Variants in ZNF536 observed in about 807,000 individuals in gnomAD.
The protein encoded by ZNF536 is zinc finger protein 536.
In ZNF536, 13 loss-of-function variants were observed where a neutral mutation model predicts 84.5. The observed-to-expected ratio is 0.15, with a 90% CI of 0.10 to 0.24. The LOEUF is 0.24. Among genes scored for constraint, ZNF536 ranks in the 10% least tolerant of loss-of-function variants. The probability of loss-of-function intolerance (pLI) is 1.00; values close to 1 mark genes in which losing one functional copy is unlikely to be tolerated. For synonymous variants in ZNF536, 811 were observed against 742.5 expected (o/e 1.09, Z -1.50); for missense variants, 1,536 against 1,747.5 (o/e 0.88, Z 2.16).
At chr19:30,620,478 C>T (rs2048444572) in intron 1 of ZNF536, among the ~76,000 whole-genome samples, 2 of 152,158 alleles carry the variant, frequency 1.3e-5, no homozygotes, top group African/African-American at 4.8e-5. Flanking sequence ...GACATTCACC[C>T]AGATGGGGAA....
chr19:30,348,612 G>A (rs1348672485), intron 2 of ZNF536, among the ~76,000 whole-genome samples: 1 of 152,114 alleles, frequency 6.6e-6, no homozygotes, highest in Non-Finnish European at 1.5e-5. Flanking sequence ...ATGGATGGTT[G>A]AGTCCAAGAT....
In ZNF536 at chr19:30,531,685, C is replaced by T. The variant is rs371441031; in HGVS notation, c.2171-3162C>T. The stretch of plus-strand genomic sequence containing the variant: ...TGTTACCCAGGCTGGAGTGCAGTGG[C>T]GTGATCCCGGCTCATTGCAGCCTCG... On this transcript the variant is annotated intron_variant, in intron 2 of 4. Transcript: ENST00000355537. 5.6e-4 allele frequency among the ~76,000 whole-genome samples: 85 copies of T among 152,010 alleles called. 1 individual carries two copies. Among genetic ancestry groups the T allele is most frequent in the East Asian group, 5.2e-3 (27 of 5,156 alleles).
chr19:30,618,932 G>A (rs917328769), intron 1 of ZNF536, among the ~76,000 whole-genome samples: 9 of 152,006 alleles, frequency 5.9e-5, no homozygotes, highest in Admixed American at 3.3e-4. Flanking sequence ...TTTGGTACAA[G>A]TTTAAAAGTG....
chr19:30,348,828 A>C (rs201947691), intron 2 of ZNF536, among the ~76,000 whole-genome samples: 2 of 99,916 alleles, frequency 2.0e-5, no homozygotes, highest in African/African-American at 3.7e-5. Flanking sequence ...TTTTTTTTTT[A>C]TTTTCACGTG....
chr19:30,377,161 C>T (rs1600457927), intron 1 of ZNF536, among the ~76,000 whole-genome samples: 1 of 152,254 alleles, frequency 6.6e-6, no homozygotes, highest in East Asian at 1.9e-4. Context: ...GACTTGCCCA[C>T]TAGACTGAAG....
chr19:30,243,449 A>G (rs1420844406), intron 1 of ZNF536, among the ~76,000 whole-genome samples: 1 of 152,228 alleles, frequency 6.6e-6, no homozygotes, highest in Non-Finnish European at 1.5e-5. Flanking sequence ...TGCAGTCTGT[A>G]GTAAGAATTG....
chr19:30,622,291 C>T (rs1164904006), intron 1 of ZNF536, among the ~76,000 whole-genome samples: 1 of 152,242 alleles, frequency 6.6e-6, no homozygotes, highest in Non-Finnish European at 1.5e-5. Context: ...AGCAAAATCT[C>T]AGAGACATCA....
intron 2 of ZNF536, among the ~76,000 whole-genome samples, chr19:30,504,081 C>A (rs1178620283): frequency 6.6e-6 from 1 of 151,942 alleles, no homozygotes; most frequent in Non-Finnish European, 1.5e-5. Context: ...ATACCACAAG[C>A]AAAAGGAAAA....
intron 2 of ZNF536, among the ~76,000 whole-genome samples, chr19:30,310,495 A>T (rs2046465422): frequency 1.3e-5 from 2 of 152,222 alleles, no homozygotes; most frequent in African/African-American, 4.8e-5. Context: ...ACAGGGGAAA[A>T]TTTAACATAA....
intron 2 of ZNF536, among the ~76,000 whole-genome samples, chr19:30,520,181 G>A (rs2044260567): frequency 6.6e-6 from 1 of 152,198 alleles, no homozygotes; most frequent in Non-Finnish European, 1.5e-5. Context: ...GGATTTTTAA[G>A]GCATTTCAGG....
intron 2 of ZNF536, among the ~76,000 whole-genome samples, chr19:30,339,630 G>T (rs1353790106): frequency 2.0e-5 from 3 of 152,186 alleles, no homozygotes; most frequent in Non-Finnish European, 4.4e-5. Flanking sequence ...TTCCCAGATG[G>T]ACACCTCCAC....
At chr19:30,566,657 T>C (rs1415591148) in intron 1 of ZNF536, among the ~76,000 whole-genome samples, 1 of 150,610 alleles carries the variant, frequency 6.6e-6, no homozygotes, top group African/African-American at 2.5e-5. Context: ...TCCCTGCCTG[T>C]GGCCTCTCCG....
At chr19:30,692,730 A>C (rs936576696) in intron 1 of ZNF536, among the ~76,000 whole-genome samples, 1 of 152,112 alleles carries the variant, frequency 6.6e-6, no homozygotes, top group African/African-American at 2.4e-5. Context: ...GCTCCTTACA[A>C]GATTTAAAGG....
chr19:30,471,068 A>T (rs1658275938), intron 2 of ZNF536, among the ~76,000 whole-genome samples: 1 of 147,456 alleles, frequency 6.8e-6, no homozygotes, highest in African/African-American at 2.5e-5. Flanking sequence ...CAATCCTCCC[A>T]CCTCGTCCTC....
intron 1 of ZNF536, among the ~76,000 whole-genome samples, chr19:30,704,552 C>T (rs2052139216): frequency 1.4e-5 from 2 of 144,680 alleles, no homozygotes; most frequent in Non-Finnish European, 3.0e-5. Context: ...GAGGCTGAGG[C>T]AGGAGAATGG....
chr19:30,555,001 G>A (rs893437123), intron 4 of ZNF536: 1 of 152,214 alleles, frequency 6.6e-6, no homozygotes, highest in Non-Finnish European at 1.5e-5. Flanking sequence ...AGTGGTAGAG[G>A]ACTTGTTGAC....
intron 1 of ZNF536, among the ~76,000 whole-genome samples, chr19:30,407,665 C>T (rs1032098114): frequency 6.6e-6 from 1 of 152,204 alleles, no homozygotes; most frequent in Non-Finnish European, 1.5e-5. Flanking sequence ...GAGTTCTTTG[C>T]TGTCTCTCCT....
In ZNF536 at chr19:30,589,591, C is replaced by A. The variant is rs1477602826; in HGVS notation, c.169+40077C>A. Among the ~76,000 whole-genome samples, 14 of 152,174 alleles carry A rather than the reference C, an allele frequency of 9.2e-5. No homozygotes were observed. The East Asian group carries it at 2.7e-3, about 29-fold the overall frequency. ...TTTATTTGGGGGTGATCTCAGGAAG[C>A]ACAGGTAGGGGATAAAGAAATGAAG... On this transcript the variant is annotated intron_variant, in intron 1 of 1. Coordinates refer to the ZNF536 transcript ENST00000592773.
chr19:30,347,140 G>A (rs1260769420), intron 2 of ZNF536, among the ~76,000 whole-genome samples: 3 of 148,018 alleles, frequency 2.0e-5, no homozygotes, highest in African/African-American at 7.6e-5. Flanking sequence ...TTGGCCGCAT[G>A]TATGCCTTCT....
Sources: allele counts gnomAD v4.1 joint callset (sites outside exome capture counted in the v4.1 genomes callset), GRCh38; gene constraint gnomAD v4.1.1; transcripts MANE v1.5; gene names NCBI Gene and HGNC (gene_info 2026-07-23, HGNC 2026-07-21).